STK4: variants seen among roughly 807,000 people sequenced by gnomAD.
STK4 encodes serine/threonine kinase 4.
A neutral mutation model predicts 64.9 loss-of-function variants in STK4; 30 were observed. The ratio of observed to expected loss-of-function variants is 0.46; its 90% CI spans 0.35 to 0.63. The LOEUF (loss-of-function observed/expected upper bound fraction) is 0.63. STK4 is among the 20% of genes least tolerant of loss of function. STK4 has a pLI of 0.01. For missense variants in STK4, 466 were observed against 598.5 expected (o/e 0.78, Z 2.31); for synonymous variants, 177 against 199.0 (o/e 0.89, Z 0.93).
chr20:45,014,495 A>G (rs2068106512), intron 9 of STK4, among the ~76,000 whole-genome samples: 1 of 152,210 alleles, frequency 6.6e-6, no homozygotes, highest in East Asian at 1.9e-4. Flanking sequence ...CCAAGCTTTC[A>G]CAACATTATT....
chr20:45,046,059 C>T (rs563768671), intron 10 of STK4, among the ~76,000 whole-genome samples: 124 of 152,084 alleles, frequency 8.2e-4, no homozygotes, highest in African/African-American at 2.7e-3. Context: ...CGCCTGCCTC[C>T]GCCTCCCAAA....
chr20:45,021,570 A>C (rs566582161), intron 9 of STK4, among the ~76,000 whole-genome samples: 18 of 152,336 alleles, frequency 1.2e-4, no homozygotes, highest in African/African-American at 4.3e-4. Flanking sequence ...CCTATCAGTC[A>C]GTTCATTCAG....
intron 10 of STK4, among the ~76,000 whole-genome samples, chr20:45,048,434 G>A (rs1020792541): frequency 6.6e-6 from 1 of 151,972 alleles, no homozygotes; most frequent in Admixed American, 6.6e-5. Context: ...CCTAAAAAAG[G>A]AAGGTAAGAG....
Position 45,011,726 on chromosome 20 carries a change from TA to T in STK4, c.1147+10374del, listed in dbSNP as rs1215014879. 1.1e-3 allele frequency among the ~76,000 whole-genome samples: 121 copies of T among 107,506 alleles called. 3 individuals carry two copies. Among genetic ancestry groups the T allele is most frequent in the African/African-American group, 4.4e-3 (118 of 26,602 alleles). 70.5% of individuals were successfully genotyped at this position (107,506 alleles called of 152,430 possible). Reference sequence around the variant, plus strand: ...GAACATACATATATATATATATATATATATTTTTTTTTTTTTTTTTAAGTCA... The same window carrying T: ...GAACATACATATATATATATATATATTATTTTTTTTTTTTTTTTTAAGTCA... On this transcript the variant is annotated intron_variant, in intron 9 of 10. Coordinates refer to ENST00000372806, the MANE Select transcript of STK4 (RefSeq NM_006282.5).
At chr20:44,992,614 C>T (rs1177104650) in intron 5 of STK4, among the ~76,000 whole-genome samples, 1 of 152,104 alleles carries the variant, frequency 6.6e-6, no homozygotes, top group Non-Finnish European at 1.5e-5. Flanking sequence ...TCAAGTGATC[C>T]TCCCACCTTA....
intron 10 of STK4, among the ~76,000 whole-genome samples, chr20:45,043,805 G>A (rs184274180): frequency 6.6e-6 from 1 of 152,210 alleles, no homozygotes; most frequent in African/African-American, 2.4e-5. Flanking sequence ...TTGGTTAAGG[G>A]ATACTTCACC....
chr20:44,979,116 T>C (rs906554828), intron 3 of STK4, among the ~76,000 whole-genome samples: 1 of 152,170 alleles, frequency 6.6e-6, no homozygotes, highest in African/African-American at 2.4e-5. Context: ...TTTCTTTTCT[T>C]CAGTGAGCCC....
chr20:45,030,749 A>G (rs2068428619), intron 10 of STK4, among the ~76,000 whole-genome samples: 1 of 152,226 alleles, frequency 6.6e-6, no homozygotes, highest in South Asian at 2.1e-4. Context: ...GATATTTCAT[A>G]TTCTATTAGC....
intron 7 of STK4, among the ~76,000 whole-genome samples, chr20:45,000,087 T>C (rs972862766): frequency 6.6e-6 from 1 of 152,202 alleles, no homozygotes. Context: ...AGCTATAACA[T>C]GTTCCCAACA....
At position 45,001,283 on chromosome 20, in the gene STK4, C is replaced by A. The variant is rs561228188; in HGVS notation, c.1077C>A (p.Asp359Glu). Residue 359 changes from aspartate to glutamate, a missense_variant, in exon 9 of 11, where the codon GAC becomes GAA. This residue lies in a region of STK4 where 276 missense variants were observed against 308.9 expected (regional missense o/e 0.89). Transcript: ENST00000372806. Reference protein sequence around the residue: ...DGANTMIEHDDTLPSQLGTMV... With the variant: ...DGANTMIEHDETLPSQLGTMV... ...CCAATACTATGATTGAGCACGATGA[C>A]ACGTTGCCATCACAACTGGGCACCA... 3 of 1,614,028 alleles carry A rather than the reference C, an allele frequency of 1.9e-6. No individual in the cohort carries two copies. The highest frequency in any genetic ancestry group is 1.7e-5 in the Admixed American group (1 of 60,002).
At chr20:45,030,370 C>T (rs1169568504) in intron 10 of STK4, among the ~76,000 whole-genome samples, 1 of 152,212 alleles carries the variant, frequency 6.6e-6, no homozygotes, top group Admixed American at 6.5e-5. Context: ...TCCCAAAGTG[C>T]TGGGAGTACA....
At chr20:44,980,824 C>T (rs6031902) in intron 3 of STK4, among the ~76,000 whole-genome samples, 26,242 of 151,808 alleles carry the variant, frequency 0.17, 2,423 homozygotes, top group East Asian at 0.22. Flanking sequence ...CCTGCCACCA[C>T]GCCAGGCTAA....
At chr20:44,995,343 C>T (rs2067709264) in intron 6 of STK4, 86 bp downstream of exon 6, 2 of 1,462,422 alleles carry the variant, frequency 1.4e-6, no homozygotes, top group African/African-American at 1.4e-5. Context: ...TTGTGGCTCA[C>T]ACGTGTAATC....
At chr20:45,056,958 A>G (rs1315380470) in intron 10 of STK4, among the ~76,000 whole-genome samples, 5 of 152,232 alleles carry the variant, frequency 3.3e-5, no homozygotes, top group Non-Finnish European at 7.3e-5. Flanking sequence ...TCTCTGGGCA[A>G]GCCGTCGTTT....
In STK4 at chr20:45,051,550, A is replaced by G. The variant is rs576836432; in HGVS notation, c.1306-23468A>G. On this transcript the variant is annotated intron_variant, in intron 10 of 10. Transcript: ENST00000372806. ...CAGTTATTACTAGCTTCTCTTGTAT[A>G]GTGGGATTTAGCTGTGGGTTGATTT... is the stretch of plus-strand genomic sequence containing the variant. Among the ~76,000 whole-genome samples the G allele has an allele frequency of 3.3e-5, 5 of 152,218 alleles. No homozygotes were observed. In the East Asian group the frequency reaches 9.7e-4, roughly 29 times the overall value.
chr20:45,043,517 G>A (rs1158628430), intron 10 of STK4, among the ~76,000 whole-genome samples: 2 of 152,166 alleles, frequency 1.3e-5, no homozygotes, highest in Admixed American at 1.3e-4. Context: ...GTAAAATGAA[G>A]TAATACTAGA....
chr20:45,077,389 C>G lies in STK4; in HGVS notation c.*2213C>G, dbSNP rs1980596107. 6.6e-6 allele frequency: 1 copy of G among 151,902 alleles called. No individual in the cohort carries two copies. The highest frequency in any genetic ancestry group is 1.5e-5 in the Non-Finnish European group (1 of 67,918). The allele number at this position is 151,902 out of a possible 1,614,324, so 9.4% of individuals were successfully genotyped here. A position where few individuals can be genotyped will look rare whatever the true frequency, so the allele number is the denominator to read the frequency against. On this transcript the variant is annotated 3_prime_UTR_variant, in exon 11 of 11. Transcript: ENST00000372806. ...GCTGTGCGAATTAATAGTTCTGTCT[C>G]TCTCTCTCTTTCTTTTTTCTTTTTA...
At chr20:45,048,910 T>G (rs2068736167) in intron 10 of STK4, among the ~76,000 whole-genome samples, 1 of 152,150 alleles carries the variant, frequency 6.6e-6, no homozygotes, top group Admixed American at 6.5e-5. Flanking sequence ...ACTAAAACAC[T>G]GATAGACCTT....
intron 2 of STK4, 126 bp from the exon 3 acceptor site, chr20:44,978,317 T>A: frequency 8.7e-7 from 1 of 1,144,856 alleles, no homozygotes; most frequent in East Asian, 2.8e-5. Context: ...ATCTTAGTTT[T>A]GCAAGTGTAT....
Sources: allele counts gnomAD v4.1 joint callset (sites outside exome capture counted in the v4.1 genomes callset), GRCh38; gene constraint gnomAD v4.1.1; regional missense constraint gnomAD v4.1.1; transcripts MANE v1.5; gene names NCBI Gene and HGNC (gene_info 2026-07-23, HGNC 2026-07-21).